Variants in BCAR3 observed in about 807,000 individuals in gnomAD.
BCAR3 encodes the protein BCAR3 adaptor protein, NSP family member, also known as breast cancer anti-estrogen resistance protein 3.
BCAR3 carries 37 observed loss-of-function variants against 80.1 expected under a neutral mutation model. The observed-to-expected ratio is 0.46, with a 90% CI of 0.36 to 0.61. BCAR3 has a LOEUF of 0.61. Among genes scored for constraint, BCAR3 ranks in the 20% least tolerant of loss-of-function variants. BCAR3 has a pLI of 0.00. For missense variants in BCAR3, 978 were observed against 1,068.2 expected (o/e 0.92, Z 1.18); for synonymous variants, 389 against 418.9 (o/e 0.93, Z 0.87).
chr1:93,596,518 G>A (rs1674424291), intron 3 of BCAR3, among the ~76,000 whole-genome samples: 1 of 152,222 alleles, frequency 6.6e-6, no homozygotes, highest in Non-Finnish European at 1.5e-5. Flanking sequence ...CCCAGAATGA[G>A]TAACACGGCT....
chr1:93,574,957 G>A lies in BCAR3; in HGVS notation c.1802+1057C>T, dbSNP rs572270476. On this transcript the variant is annotated intron_variant, in intron 8 of 11. Transcript: ENST00000260502. ...GGTATTTTCTATGGGATGTATCCAC[G>A]GCTGCGAGGCCAAAACAGCAGCAGC... is the stretch of plus-strand genomic sequence containing the variant. Among the ~76,000 whole-genome samples the A allele has an allele frequency of 1.3e-4, 20 of 152,182 alleles. 1 individual carries two copies. The South Asian group carries it at 4.0e-3, about 30-fold the overall frequency.
chr1:93,782,539 C>A (rs1207309118), intron 2 of BCAR3, among the ~76,000 whole-genome samples: 2 of 152,072 alleles, frequency 1.3e-5, no homozygotes, highest in Non-Finnish European at 2.9e-5. Context: ...GTAGAGAGGG[C>A]TACAGAGGTT....
chr1:93,691,079 G>A (rs1008056250), intron 3 of BCAR3, among the ~76,000 whole-genome samples: 1 of 152,174 alleles, frequency 6.6e-6, no homozygotes, highest in Non-Finnish European at 1.5e-5. Flanking sequence ...TACTCAGGAG[G>A]AGAATATGGA....
chr1:93,744,761 C>T (rs1651296219), intron 2 of BCAR3, among the ~76,000 whole-genome samples: 1 of 152,204 alleles, frequency 6.6e-6, no homozygotes, highest in South Asian at 2.1e-4. Context: ...TGATTTATTG[C>T]TTTCATTAAA....
intron 3 of BCAR3, among the ~76,000 whole-genome samples, chr1:93,631,737 C>A (rs1159827590): frequency 6.6e-6 from 1 of 152,200 alleles, no homozygotes; most frequent in Non-Finnish European, 1.5e-5. Flanking sequence ...CTGATGCCTG[C>A]AGCACAGAAT....
intron 2 of BCAR3, among the ~76,000 whole-genome samples, chr1:93,662,573 T>A (rs1647715020): frequency 1.3e-5 from 2 of 152,206 alleles, no homozygotes; most frequent in Admixed American, 1.3e-4. Flanking sequence ...AAGATTTTTT[T>A]AACTGATGAA....
chr1:93,653,748 TG>T (rs1350354306), intron 2 of BCAR3, among the ~76,000 whole-genome samples: 4 of 152,176 alleles, frequency 2.6e-5, no homozygotes, highest in Admixed American at 6.5e-5. Flanking sequence ...GAGCTAGGTT[TG>T]GAGCACTCAG....
At chr1:93,701,438 G>A (rs1649637656) in intron 3 of BCAR3, among the ~76,000 whole-genome samples, 1 of 152,226 alleles carries the variant, frequency 6.6e-6, no homozygotes, top group Non-Finnish European at 1.5e-5. Context: ...GCCCTCATGT[G>A]CATCGGTCTG....
chr1:93,579,565 T>C (rs1299683733), intron 7 of BCAR3, among the ~76,000 whole-genome samples: 1 of 152,154 alleles, frequency 6.6e-6, no homozygotes, highest in Non-Finnish European at 1.5e-5. Context: ...GGAGACTGCA[T>C]TCTTCAGTTG....
intron 2 of BCAR3, among the ~76,000 whole-genome samples, chr1:93,653,829 A>T (rs1343957730): frequency 6.6e-6 from 1 of 152,328 alleles, no homozygotes; most frequent in Admixed American, 6.5e-5. Flanking sequence ...AGGCAACAGG[A>T]GAAGCATGTG....
At chr1:93,817,794 C>A (rs577941659) in intron 2 of BCAR3, among the ~76,000 whole-genome samples, 1 of 152,288 alleles carries the variant, frequency 6.6e-6, no homozygotes, top group South Asian at 2.1e-4. Flanking sequence ...CTGTTTACCC[C>A]CCCACATCCC....
At chr1:93,564,850 A>G (rs1053602122) in intron 11 of BCAR3, among the ~76,000 whole-genome samples, 2 of 152,164 alleles carry the variant, frequency 1.3e-5, no homozygotes, top group Non-Finnish European at 2.9e-5. Flanking sequence ...ACTCTATTCC[A>G]TCTAAGAGAG....
intron 2 of BCAR3, among the ~76,000 whole-genome samples, chr1:93,777,302 A>G (rs1450525926): frequency 6.6e-6 from 1 of 152,232 alleles, no homozygotes; most frequent in East Asian, 1.9e-4. Context: ...ATTGATACCC[A>G]GAATTATTAT....
intron 3 of BCAR3, among the ~76,000 whole-genome samples, chr1:93,615,546 C>T (rs1675091392): frequency 6.6e-6 from 1 of 152,142 alleles, no homozygotes; most frequent in South Asian, 2.1e-4. Flanking sequence ...ACAGAAAGTC[C>T]ACCAGAGAAC....
At chr1:93,731,245 T>G (rs1360195216) in intron 2 of BCAR3, among the ~76,000 whole-genome samples, 7 of 152,168 alleles carry the variant, frequency 4.6e-5, no homozygotes, top group African/African-American at 1.7e-4. Flanking sequence ...GGGAGAAAAC[T>G]AGTGAAATCC....
At chr1:93,677,638 C>T (rs1648545970) in intron 1 of BCAR3, among the ~76,000 whole-genome samples, 1 of 152,134 alleles carries the variant, frequency 6.6e-6, no homozygotes, top group Non-Finnish European at 1.5e-5. Context: ...GACATCAGAG[C>T]TTGAGGCATC....
intron 2 of BCAR3, among the ~76,000 whole-genome samples, chr1:93,781,210 A>G (rs1271665340): frequency 6.6e-6 from 1 of 152,250 alleles, no homozygotes; most frequent in Non-Finnish European, 1.5e-5. Context: ...TGTTCCAGTA[A>G]AACTCTATGG....
chr1:93,680,431 A>T (rs565720886), intron 1 of BCAR3, among the ~76,000 whole-genome samples: 1 of 152,176 alleles, frequency 6.6e-6, no homozygotes, highest in East Asian at 1.9e-4. Flanking sequence ...TGGGCTTCCC[A>T]TTGTTACCCG....
rs796918857 is a variant in BCAR3, at chr1:93,586,029, C to T, written c.930-1908G>A. 1.3e-5 allele frequency among the ~76,000 whole-genome samples: 2 copies of T among 152,136 alleles called. No homozygotes were observed. Among genetic ancestry groups the T allele is most frequent in the African/African-American group, 4.8e-5 (2 of 41,484 alleles). Reference sequence around the variant, plus strand: ...ATCATGGAGAATGGGGTATCCATGCCCTCTAGCATTTATCCTTTGAGTTAC... The same window carrying T: ...ATCATGGAGAATGGGGTATCCATGCTCTCTAGCATTTATCCTTTGAGTTAC... On this transcript the variant is annotated intron_variant, in intron 5 of 11. Coordinates refer to ENST00000260502, the MANE Select transcript of BCAR3 (RefSeq NM_003567.4). The surrounding 1 kb of genome is among the most constrained non-coding windows in gnomAD (Gnocchi z 4.2).
Sources: gnomAD v4.1 joint callset for allele counts (sites outside exome capture counted in the v4.1 genomes callset) on GRCh38, gnomAD v4.1.1 for gene constraint, Gnocchi (gnomAD v3.1) non-coding constraint, MANE v1.5 for transcripts, NCBI Gene and HGNC (gene_info 2026-07-23, HGNC 2026-07-21) for gene names.